The following MACROD1 variants were observed in gnomAD, a reference collection of about 807,000 sequenced individuals.
MACROD1 encodes mono-ADP ribosylhydrolase 1, also known as ADP-ribose glycohydrolase MACROD1.
A neutral mutation model predicts 41.4 loss-of-function variants in MACROD1; 31 were observed. The observed-to-expected ratio is 0.75, with a 90% CI of 0.56 to 1.01. The LOEUF (loss-of-function observed/expected upper bound fraction) is 1.01. Among genes scored for constraint, MACROD1 ranks in the 50% least tolerant of loss-of-function variants. The pLI is 0.00. For missense variants in MACROD1, 473 were observed against 460.0 expected, an observed-to-expected ratio of 1.03 and a Z score of -0.26; for synonymous variants, 252 against 203.4, an observed-to-expected ratio of 1.24 and a Z score of -2.03.
chr11:64,068,775 T>A (rs1182304704), intron 3 of MACROD1, among the ~76,000 whole-genome samples: 1 of 152,226 alleles, frequency 6.6e-6, no homozygotes, highest in Non-Finnish European at 1.5e-5. Context: ...GCTCAGAACC[T>A]GGGAGCACCC....
chr11:64,040,542 C>A (rs755199202), intron 3 of MACROD1, among the ~76,000 whole-genome samples: 1 of 152,206 alleles, frequency 6.6e-6, no homozygotes, highest in Non-Finnish European at 1.5e-5. Context: ...GCAGATGGGC[C>A]TCTGGAAGAG....
intron 3 of MACROD1, among the ~76,000 whole-genome samples, chr11:64,135,473 C>T (rs1187652785): frequency 6.6e-6 from 1 of 152,254 alleles, no homozygotes; most frequent in African/African-American, 2.4e-5. Context: ...GCCCTTGCCG[C>T]TTGCCCTCGG....
chr11:64,096,015 G>A lies in MACROD1; in HGVS notation c.517+55224C>T, dbSNP rs968708190. Among the ~76,000 whole-genome samples, 6 of 152,296 alleles carry A rather than the reference G, an allele frequency of 3.9e-5. No homozygotes were observed. Among genetic ancestry groups the A allele is most frequent in the South Asian group, 4.1e-4 (2 of 4,832 alleles). Reference sequence around the variant, plus strand: ...CCCATGAGCCTGCAGGATATGTCGCGCTGCAGCCAGCACAGTGCTGCTTCA... The same window carrying A: ...CCCATGAGCCTGCAGGATATGTCGCACTGCAGCCAGCACAGTGCTGCTTCA... On this transcript the variant is annotated intron_variant, in intron 3 of 10. Coordinates refer to ENST00000255681, the MANE Select transcript of MACROD1 (RefSeq NM_014067.4). The surrounding 1 kb of genome is among the most constrained non-coding windows in gnomAD (Gnocchi z 4.6).
intron 3 of MACROD1, among the ~76,000 whole-genome samples, chr11:64,080,517 T>C (rs920700478): frequency 1.3e-4 from 20 of 152,150 alleles, no homozygotes; most frequent in Admixed American, 1.1e-3. Flanking sequence ...ATTTGTAAAG[T>C]AGGGACAAAA....
chr11:64,112,299 G>A (rs1944877098), intron 3 of MACROD1, among the ~76,000 whole-genome samples: 1 of 152,122 alleles, frequency 6.6e-6, no homozygotes, highest in Non-Finnish European at 1.5e-5. Flanking sequence ...GGATCACGAG[G>A]TCAAGAGATC....
chr11:64,040,566 C>T (rs978662052), intron 3 of MACROD1, among the ~76,000 whole-genome samples: 1 of 152,226 alleles, frequency 6.6e-6, no homozygotes, highest in Non-Finnish European at 1.5e-5. Flanking sequence ...GCTTCCTAGG[C>T]CCGGGATGCC....
intron 3 of MACROD1, chr11:64,117,395 C>T (rs267603093): frequency 4.2e-5 from 68 of 1,611,960 alleles, no homozygotes; most frequent in Non-Finnish European, 4.8e-5. Flanking sequence ...GCGAGATGGA[C>T]GAGTGTTTTG....
intron 3 of MACROD1, among the ~76,000 whole-genome samples, chr11:64,108,139 T>A (rs1000468045): frequency 2.0e-5 from 3 of 151,710 alleles, no homozygotes; most frequent in African/African-American, 7.3e-5. Flanking sequence ...CATGGAGAAA[T>A]CCCGTCTCTA....
At chr11:64,032,524 C>T (rs1317273507) in intron 3 of MACROD1, among the ~76,000 whole-genome samples, 1 of 152,110 alleles carries the variant, frequency 6.6e-6, no homozygotes, top group Non-Finnish European at 1.5e-5. Flanking sequence ...GGTGGTAAGG[C>T]CCACCCCACC....
At chr11:64,163,306 A>T (rs1006548522) in intron 1 of MACROD1, among the ~76,000 whole-genome samples, 1 of 152,226 alleles carries the variant, frequency 6.6e-6, no homozygotes, top group African/African-American at 2.4e-5. Context: ...CTCAAAAAAA[A>T]ATTTTTTTAA....
chr11:64,012,659 A>G (rs564867947), intron 4 of MACROD1, among the ~76,000 whole-genome samples: 3 of 152,224 alleles, frequency 2.0e-5, no homozygotes, highest in African/African-American at 7.2e-5. Context: ...TCAGCCTCCC[A>G]AAGAACTGGA....
chr11:64,130,911 C>T (rs889185942), intron 3 of MACROD1, among the ~76,000 whole-genome samples: 2 of 152,224 alleles, frequency 1.3e-5, no homozygotes, highest in Admixed American at 6.5e-5. Flanking sequence ...GCAATGCTGC[C>T]AAGCCTGGGA....
chr11:64,163,969 A>C (rs1002583353), intron 1 of MACROD1, among the ~76,000 whole-genome samples: 2 of 152,140 alleles, frequency 1.3e-5, no homozygotes, highest in East Asian at 3.9e-4. Context: ...ACCCAGCTGG[A>C]TGCCTCTTCT....
At chr11:64,140,218 C>T (rs904583609) in intron 3 of MACROD1, among the ~76,000 whole-genome samples, 3 of 152,256 alleles carry the variant, frequency 2.0e-5, no homozygotes, top group African/African-American at 2.4e-5. Context: ...CCTGTCCTAG[C>T]CCACCTCACG....
At chr11:64,139,649 C>T (rs1945381909) in intron 3 of MACROD1, among the ~76,000 whole-genome samples, 1 of 152,174 alleles carries the variant, frequency 6.6e-6, no homozygotes, top group Non-Finnish European at 1.5e-5. Context: ...AGATGGGAAA[C>T]CCCAAGGCCT....
At chr11:64,077,423 G>A (rs888499665) in intron 3 of MACROD1, among the ~76,000 whole-genome samples, 14 of 152,264 alleles carry the variant, frequency 9.2e-5, no homozygotes, top group African/African-American at 3.1e-4. Context: ...CCCCGTCCTC[G>A]GATTTTCCCC....
Position 64,165,702 on chromosome 11 carries a change from G to A in MACROD1, c.293C>T (p.Ala98Val), listed in dbSNP as rs1308751949. 9 of 1,448,848 alleles carry A rather than the reference G, an allele frequency of 6.2e-6. No individual in the cohort carries two copies. The highest frequency in any genetic ancestry group is 7.3e-6 in the Non-Finnish European group (8 of 1,097,760). 89.7% of individuals were successfully genotyped at this position (1,448,848 alleles called of 1,614,324 possible). Residue 98 changes from alanine to valine, a missense_variant, in exon 1 of 11, where the codon GCG (alanine) becomes GTG (valine). Physicochemically the swap from Ala to Val is moderately conservative, Grantham distance 64 (BLOSUM62 0). Transcript: ENST00000255681. ...CCCCTCGTGCTTACACTTACATTTC[G>A]CCTCCTTCCAGTCGGTGGAGGTGCT... ...DLSTSTDWKE[A>V]KSFLKGLSDK...
intron 3 of MACROD1, among the ~76,000 whole-genome samples, chr11:64,019,585 G>A (rs1943126564): frequency 6.6e-6 from 1 of 152,156 alleles, no homozygotes; most frequent in Non-Finnish European, 1.5e-5. Context: ...CGAGGCACAG[G>A]TGGCACCCGG....
chr11:64,032,957 C>G, intron 3 of MACROD1, among the ~76,000 whole-genome samples: 1 of 151,744 alleles, frequency 6.6e-6, no homozygotes, highest in East Asian at 1.9e-4. Context: ...TTCTGTCCCC[C>G]ACTCTAACCA....
Sources: allele counts gnomAD v4.1 joint callset (sites outside exome capture counted in the v4.1 genomes callset), GRCh38; gene constraint gnomAD v4.1.1; non-coding constraint Gnocchi (gnomAD v3.1); transcripts MANE v1.5; gene names NCBI Gene and HGNC (gene_info 2026-07-23, HGNC 2026-07-21).